TMEFF1: variants seen among roughly 807,000 people sequenced by gnomAD.
TMEFF1 encodes the protein tomoregulin-1.
In TMEFF1, 20 loss-of-function variants were observed where a neutral mutation model predicts 47.5. The observed-to-expected ratio is 0.42, with a 90% CI of 0.30 to 0.61. The LOEUF (loss-of-function observed/expected upper bound fraction) is 0.61, where lower values mean the gene tolerates loss of function less well. Ranked by LOEUF, TMEFF1 falls within the 20% of genes least tolerant of loss-of-function variation. TMEFF1 has a pLI of 0.19. For missense variants in TMEFF1, 411 were observed against 471.1 expected (o/e 0.87, Z 1.18); for synonymous variants, 162 against 166.3 (o/e 0.97, Z 0.20).
intron 2 of TMEFF1, among the ~76,000 whole-genome samples, chr9:100,502,934 T>C (rs961332456): frequency 6.6e-6 from 1 of 152,176 alleles, no homozygotes; most frequent in Admixed American, 6.5e-5. Context: ...TTCCTTGCCT[T>C]GTAGGAGCAA....
chr9:100,547,814 A>G lies in TMEFF1; in HGVS notation c.631A>G (p.Asn211Asp), dbSNP rs959383496. The G allele has an allele frequency of 1.2e-6, 2 of 1,610,734 alleles. No homozygotes were observed. Among genetic ancestry groups the G allele is most frequent in the African/African-American group, 2.7e-5 (2 of 74,806 alleles). Residue 211 changes from asparagine (N) to aspartate (D), a missense_variant, in exon 6 of 10, where the codon AAC (asparagine) becomes GAC (aspartate). Transcript: ENST00000374879. ...PVCASDGSSY[N>D]NPCFVREASC... is the part of the protein sequence containing the mutation. ...GTGTGCTTCTGATGGGAGTTCCTAT[A>G]ACAATCCCTGTTTTGTTCGAGAAGC... is the stretch of plus-strand genomic sequence containing the variant.
chr9:100,490,865 G>GTA (rs1554682732), intron 1 of TMEFF1, among the ~76,000 whole-genome samples: 57 of 148,134 alleles, frequency 3.8e-4, no homozygotes, highest in African/African-American at 1.4e-3. Flanking sequence ...GTGTGTGTGT[G>GTA]TGTGTGTATG....
chr9:100,558,745 T>C (rs1587855166), intron 7 of TMEFF1, among the ~76,000 whole-genome samples: 1 of 152,146 alleles, frequency 6.6e-6, no homozygotes, highest in East Asian at 1.9e-4. Flanking sequence ...AATTAGAATT[T>C]ATTCATTTAA....
intron 7 of TMEFF1, among the ~76,000 whole-genome samples, chr9:100,554,825 G>T (rs1317585109): frequency 6.6e-6 from 1 of 152,026 alleles, no homozygotes; most frequent in Non-Finnish European, 1.5e-5. Context: ...TAACTGTAGA[G>T]ATTTATAGAA....
chr9:100,492,535 T>C lies in TMEFF1; in HGVS notation c.197-6230T>C, dbSNP rs371571581. Among the ~76,000 whole-genome samples the C allele has an allele frequency of 8.5e-5, 13 of 152,196 alleles. No homozygotes were observed. The East Asian group carries it at 2.3e-3, about 27-fold the overall frequency. ...ATTCATTGTGCCATAGGCATTGCTC[T>C]GTAGGTTTTATAGAGAATGACACAC... On this transcript the variant is annotated intron_variant, in intron 1 of 9. Transcript: ENST00000374879.
intron 2 of TMEFF1, among the ~76,000 whole-genome samples, chr9:100,499,435 T>G (rs1837716305): frequency 6.6e-6 from 1 of 152,256 alleles, no homozygotes; most frequent in African/African-American, 2.4e-5. Context: ...TAGTTATATT[T>G]AATTCTTTCT....
intron 5 of TMEFF1, among the ~76,000 whole-genome samples, chr9:100,544,921 T>C (rs1838702645): frequency 6.6e-6 from 1 of 152,234 alleles, no homozygotes; most frequent in African/African-American, 2.4e-5. Flanking sequence ...ACTCCACATC[T>C]TGTATCTGGG....
At chr9:100,516,184 T>A (rs57348276) in intron 4 of TMEFF1, among the ~76,000 whole-genome samples, 148 of 152,310 alleles carry the variant, frequency 9.7e-4, no homozygotes, top group African/African-American at 3.5e-3. Flanking sequence ...TATTTTTTTT[T>A]AAACTCTGAA....
At chr9:100,572,799 T>A in intron 9 of TMEFF1, 123 bp downstream of exon 9, 1 of 1,246,780 alleles carries the variant, frequency 8.0e-7, no homozygotes. Flanking sequence ...AGGTTTTCAG[T>A]GGTCTCTCCC....
chr9:100,575,075 C>T (rs1031423200), intron 9 of TMEFF1, among the ~76,000 whole-genome samples: 2 of 152,228 alleles, frequency 1.3e-5, no homozygotes, highest in South Asian at 4.2e-4. Flanking sequence ...TATGGTATTT[C>T]CTCCCCTAGA....
At chr9:100,513,755 T>C (rs1044395503) in intron 4 of TMEFF1, among the ~76,000 whole-genome samples, 3 of 152,150 alleles carry the variant, frequency 2.0e-5, no homozygotes, top group African/African-American at 7.2e-5. Flanking sequence ...AGAGTATTTG[T>C]AACTCTTTCC....
intron 5 of TMEFF1, among the ~76,000 whole-genome samples, chr9:100,529,790 A>AT (rs963727438): frequency 1.3e-5 from 2 of 152,160 alleles, no homozygotes; most frequent in African/African-American, 4.8e-5. Flanking sequence ...CAGAATATAC[A>AT]TTTTTTTCAG....
At chr9:100,569,371 T>G (rs79126256) in intron 8 of TMEFF1, among the ~76,000 whole-genome samples, 11,795 of 152,266 alleles carry the variant, frequency 0.077, 525 homozygotes, top group South Asian at 0.14. Flanking sequence ...TCAGTACACA[T>G]CCTTTGCTCT....
intron 2 of TMEFF1, among the ~76,000 whole-genome samples, chr9:100,506,571 C>T (rs1837865827): frequency 6.6e-6 from 1 of 151,990 alleles, no homozygotes; most frequent in Admixed American, 6.5e-5. Flanking sequence ...CGAGACCATC[C>T]TGGCTAACAC....
intron 5 of TMEFF1, among the ~76,000 whole-genome samples, chr9:100,522,287 A>T (rs1330806645): frequency 6.6e-6 from 1 of 152,204 alleles, no homozygotes; most frequent in Non-Finnish European, 1.5e-5. Flanking sequence ...TAGGTTTAGT[A>T]AGTCCCTACT....
At chr9:100,532,354 C>T (rs1453650915) in intron 5 of TMEFF1, among the ~76,000 whole-genome samples, 3 of 151,250 alleles carry the variant, frequency 2.0e-5, no homozygotes, top group African/African-American at 2.4e-5. Flanking sequence ...TGACAAAGGG[C>T]TAATATCCAG....
At chr9:100,560,727 A>C (rs1379533018) in intron 7 of TMEFF1, among the ~76,000 whole-genome samples, 1 of 152,224 alleles carries the variant, frequency 6.6e-6, no homozygotes, top group Non-Finnish European at 1.5e-5. Context: ...ATGTTCATCA[A>C]CATGTTGACA....
At chr9:100,572,703 C>T in intron 9 of TMEFF1, 27 bp downstream of exon 9, 1 of 1,578,084 alleles carries the variant, frequency 6.3e-7, no homozygotes, top group African/African-American at 1.4e-5. Flanking sequence ...GAAATATCAA[C>T]TTTAAATTAG....
intron 4 of TMEFF1, among the ~76,000 whole-genome samples, chr9:100,516,441 C>T (rs535585092): frequency 1.7e-4 from 26 of 152,180 alleles, no homozygotes; most frequent in Admixed American, 8.5e-4. Context: ...GTTCTGCCTA[C>T]ATAGTTTAAG....
Sources: gnomAD v4.1 joint callset for allele counts (sites outside exome capture counted in the v4.1 genomes callset) on GRCh38, gnomAD v4.1.1 for gene constraint, MANE v1.5 for transcripts, NCBI Gene and HGNC (gene_info 2026-07-23, HGNC 2026-07-21) for gene names.